DLX6: variants seen among roughly 807,000 people sequenced by gnomAD.
DLX6 encodes homeobox protein DLX-6.
Under a neutral mutation model 33.5 loss-of-function variants are expected in DLX6, and 4 were observed. That is an observed-to-expected ratio of 0.12 (90% CI 0.06 to 0.27). The LOEUF is 0.27. DLX6 is among the 10% of genes least tolerant of loss of function. DLX6 has a pLI of 1.00. For synonymous variants in DLX6, 184 were observed against 164.8 expected (o/e 1.12, Z -0.89); for missense variants, 382 against 393.3 (o/e 0.97, Z 0.24).
chr7:97,007,795 C>T lies in DLX6; in HGVS notation c.594C>T (p.Ala198=), dbSNP rs1409824571. 8.7e-6 allele frequency: 14 copies of T among 1,609,932 alleles called. No individual in the cohort carries two copies. Among genetic ancestry groups the T allele is most frequent in the Non-Finnish European group, 1.1e-5 (13 of 1,178,282 alleles). The stretch of plus-strand genomic sequence containing the variant: ...AGTATCTGGCCCTTCCAGAGAGAGC[C>T]GAACTGGCAGCTTCCTTAGGACTGA... ...QTQYLALPER[A]ELAASLGLTQ... Residue 198 remains alanine (A), a synonymous_variant, in exon 2 of 3, where the codon GCC becomes GCT. Coordinates refer to ENST00000518156, the MANE Select transcript of DLX6 (RefSeq NM_005222.4).
At position 97,007,849 on chromosome 7, in the gene DLX6, C is replaced by A; in HGVS notation, c.630+18C>A. 1 of 1,562,838 alleles carries A rather than the reference C, an allele frequency of 6.4e-7. No individual in the cohort carries two copies. Among genetic ancestry groups the A allele is most frequent in the East Asian group, 2.3e-5 (1 of 43,782 alleles). ...AAACACAGGTAATTCCCGAGAAGCC[C>A]AAGTATCCCTGAAATGCTGGTACCG... On this transcript the variant is annotated intron_variant, in intron 2 of 2. Transcript: ENST00000518156.
chr7:97,009,843 G>A lies in DLX6; in HGVS notation c.678G>A (p.Leu226=). The A allele has an allele frequency of 1.2e-6, 2 of 1,614,038 alleles. No individual in the cohort carries two copies. The highest frequency in any genetic ancestry group is 1.7e-6 in the Non-Finnish European group (2 of 1,179,900). ...AACGCTCTAAGTTTAAGAAACTGCT[G>A]AAGCAGGGCAGTAATCCTCATGAGA... ...QNKRSKFKKL[L]KQGSNPHESD... is the part of the protein sequence containing the mutation. The change falls in exon 3 of 3, where the codon CTG becomes CTA. Residue 226 remains leucine (L), a synonymous_variant. Coordinates refer to ENST00000518156, the MANE Select transcript of DLX6 (RefSeq NM_005222.4).
In DLX6 at chr7:97,006,061, G is replaced by GCAGCAGCAA. The variant is rs1789710213; in HGVS notation, c.92_93insACAGCAGCA (p.Gln42_Gln44dup). The stretch of plus-strand genomic sequence containing the variant: ...CCTTCATGGAGTTCGGGCAGCAGCA[G>GCAGCAGCAA]CAGCAGCAGCAGCAACAGCAGCAGC... On this transcript the variant is annotated inframe_insertion, in exon 1 of 3. Transcript: ENST00000518156. The GCAGCAGCAA allele has an allele frequency of 6.3e-7, 1 of 1,577,656 alleles. No individual in the cohort carries two copies. The highest frequency in any genetic ancestry group is 1.4e-5 in the African/African-American group (1 of 73,862).
chr7:97,009,500 A>G (rs997946972), intron 2 of DLX6, among the ~76,000 whole-genome samples: 1 of 152,194 alleles, frequency 6.6e-6, no homozygotes. Flanking sequence ...GGACCTGGTC[A>G]TCTCATTCAG....
rs916180044 is a variant in DLX6, at chr7:97,007,404, G to C, written c.437-234G>C. The C allele has an allele frequency of 1.5e-5, 9 of 601,674 alleles. No individual in the cohort carries two copies. The Admixed American group carries it at 2.3e-4, about 16-fold the overall frequency. The allele number at this position is 601,674 out of a possible 1,614,324, so 37.3% of individuals were successfully genotyped here. On this transcript the variant is annotated intron_variant, in intron 1 of 2. Transcript: ENST00000518156. ...GGCTGTTTGTCTGAGGGCCTCTGGC[G>C]CTCCCTTGGCCCAGACGCTGCACAT... is the stretch of plus-strand genomic sequence containing the variant.
In DLX6 at chr7:97,009,947, C is replaced by T; in HGVS notation, c.782C>T (p.Ala261Val). ...CCAGTCTGGGACGTTTCTGCCTCGG[C>T]CAAGGGTGTCAGTATGCCCCCCAAC... The part of the protein sequence containing the change: ...LPPVWDVSAS[A>V]KGVSMPPNSY... Residue 261 changes from alanine (A) to valine (V), a missense_variant, in exon 3 of 3, where the codon GCC (alanine) becomes GTC (valine). By Grantham distance (64) the Ala-to-Val change is moderately conservative (BLOSUM62 0). Transcript: ENST00000518156. 1 of 1,613,856 alleles carries T rather than the reference C, an allele frequency of 6.2e-7. No homozygotes were observed. The highest frequency in any genetic ancestry group is 8.5e-7 in the Non-Finnish European group (1 of 1,179,818).
chr7:97,007,466 G>A (rs1190628708), intron 1 of DLX6, 172 bp from the exon 2 acceptor site: 4 of 686,852 alleles, frequency 5.8e-6, no homozygotes, highest in African/African-American at 1.8e-5. Flanking sequence ...AGATTACGCA[G>A]ACGCTGGGAG....
At chr7:97,009,774 A>G in intron 2 of DLX6, 22 bp from the exon 3 acceptor site, 1 of 1,610,252 alleles carries the variant, frequency 6.2e-7, no homozygotes, top group Non-Finnish European at 8.5e-7. Flanking sequence ...TATGGGCCTA[A>G]TGATTGCTGC....
rs1789827119 is a variant in DLX6, at chr7:97,010,698, G to A, written c.*651G>A. ...TTCTCTAAAGAAAAAGGAAAAAGTG[G>A]CTGTAAGATTAGAACATTGCTACAA... On this transcript the variant is annotated 3_prime_UTR_variant, in exon 3 of 3. Transcript: ENST00000518156. 1 of 152,508 alleles carries A rather than the reference G, an allele frequency of 6.6e-6. No individual in the cohort carries two copies. Among genetic ancestry groups the A allele is most frequent in the South Asian group, 2.1e-4 (1 of 4,822 alleles). The allele number at this position is 152,508 out of a possible 1,614,324, so 9.4% of individuals were successfully genotyped here.
intron 1 of DLX6, 126 bp from the exon 2 acceptor site, chr7:97,007,512 T>C: frequency 1.2e-6 from 1 of 848,884 alleles, no homozygotes; most frequent in South Asian, 1.4e-5. Context: ...GGTCGGGGCA[T>C]CATAGGGATT....
chr7:97,008,588 T>G (rs570205756), intron 2 of DLX6, among the ~76,000 whole-genome samples: 1 of 152,332 alleles, frequency 6.6e-6, no homozygotes, highest in South Asian at 2.1e-4. Context: ...CATTTCAGAT[T>G]TCACAAGAAG....
chr7:97,007,303 C>T lies in DLX6; in HGVS notation c.437-335C>T, dbSNP rs1789758003. 25 of 583,262 alleles carry T rather than the reference C, an allele frequency of 4.3e-5. No individual in the cohort carries two copies. In the South Asian group the frequency reaches 5.2e-4, roughly 12 times the overall value. 36.1% of individuals were successfully genotyped at this position (583,262 alleles called of 1,614,324 possible). On this transcript the variant is annotated intron_variant, in intron 1 of 2. Transcript: ENST00000518156. ...TTAAGCCGGGCACAGGGGCCCCGCT[C>T]CGCCCGGACAGCTGCCGCCTTGCTG...
rs747232821 is a variant in DLX6 at position 97,006,076 on chromosome 7, A to ACAGCAGCAG, written c.114_122dup (p.Gln42_Gln44dup). 46 of 1,484,144 alleles carry ACAGCAGCAG rather than the reference A, an allele frequency of 3.1e-5. No individual in the cohort carries two copies. The highest frequency in any genetic ancestry group is 2.0e-4 in the East Asian group (8 of 40,326). 91.9% of individuals were successfully genotyped at this position (1,484,144 alleles called of 1,614,324 possible). On this transcript the variant is annotated inframe_insertion, in exon 1 of 3. Transcript: ENST00000518156. ...GGCAGCAGCAGCAGCAGCAGCAGCAACAGCAGCAGCAGCAGCAGCAGCAAC... is the reference window on the plus strand; with the variant it reads ...GGCAGCAGCAGCAGCAGCAGCAGCAACAGCAGCAGCAGCAGCAGCAGCAGCAGCAGCAAC...
At position 97,005,864 on chromosome 7, in the gene DLX6, T is replaced by C. The variant is rs1444472335; in HGVS notation, c.-114T>C. On this transcript the variant is annotated 5_prime_UTR_variant, in exon 1 of 3. Transcript: ENST00000518156. Reference sequence around the variant, plus strand: ...AATTCTTTTTTTTTTTTTTTTTTTTTTTTGCAAGGATCCAAAGAGCTAAGG... The same window carrying C: ...AATTCTTTTTTTTTTTTTTTTTTTTCTTTGCAAGGATCCAAAGAGCTAAGG... 1.4e-5 allele frequency: 6 copies of C among 438,660 alleles called. No homozygotes were observed. The highest frequency in any genetic ancestry group is 1.7e-5 in the Non-Finnish European group (5 of 289,764). 27.2% of individuals were successfully genotyped at this position (438,660 alleles called of 1,614,324 possible).
chr7:97,009,715 AT>A, intron 2 of DLX6, 80 bp from the exon 3 acceptor site: 1 of 1,537,840 alleles, frequency 6.5e-7, no homozygotes, highest in Non-Finnish European at 8.7e-7. Context: ...TGCTTTTTTA[AT>A]ATTGCTTCTA....
rs1789830341 is a variant in DLX6, at chr7:97,010,802, C to CT, written c.*758dup. ...AAAAAAAAACAAAACAAAAACCACTCTTTCCCCACCCCACCCCCCCAAACC... is the reference window on the plus strand; with the variant it reads ...AAAAAAAAACAAAACAAAAACCACTCTTTTCCCCACCCCACCCCCCCAAACC... On this transcript the variant is annotated 3_prime_UTR_variant, in exon 3 of 3. Transcript: ENST00000518156. The CT allele has an allele frequency of 1.3e-5, 2 of 151,706 alleles. No homozygotes were observed. The highest frequency in any genetic ancestry group is 4.9e-5 in the African/African-American group (2 of 40,938). The allele number at this position is 151,706 out of a possible 1,614,324, so 9.4% of individuals were successfully genotyped here. A position where few individuals can be genotyped will look rare whatever the true frequency, so the allele number is the denominator to read the frequency against.
intron 1 of DLX6, chr7:97,007,355 C>CA (rs1789759009): frequency 1.7e-6 from 1 of 599,058 alleles, no homozygotes; most frequent in East Asian, 2.8e-5. Flanking sequence ...GAGCCTCCGG[C>CA]ACCGCCTCCG....
In DLX6 at chr7:97,006,012, A is replaced by C. The variant is rs1322945779; in HGVS notation, c.35A>C (p.Glu12Ala). ...MTMTTMADGL[E>A]GQDSSKSAFM... is the part of the protein sequence containing the mutation. ...ATGACTACGATGGCTGACGGCTTGG[A>C]AGGCCAGGACTCGTCCAAATCCGCC... The change falls in exon 1 of 3, where the codon GAA becomes GCA. Residue 12 changes from glutamate to alanine, a missense_variant. By Grantham distance (107) the Glu-to-Ala change is moderately radical. Around this residue, in one of 4 missense-constraint regions of DLX6, gnomAD observed 257 missense variants for 206.9 expected, o/e 1.24. Transcript: ENST00000518156. 6.3e-7 allele frequency: 1 copy of C among 1,598,274 alleles called. No homozygotes were observed. The highest frequency in any genetic ancestry group is 1.3e-5 in the African/African-American group (1 of 74,344).
intron 1 of DLX6, 60 bp from the exon 2 acceptor site, chr7:97,007,578 G>A: frequency 6.7e-7 from 1 of 1,483,834 alleles, no homozygotes. Context: ...CACGCCAGGA[G>A]CAGGGAGATG....
Sources: allele counts gnomAD v4.1 joint callset (sites outside exome capture counted in the v4.1 genomes callset), GRCh38; gene constraint gnomAD v4.1.1; regional missense constraint gnomAD v4.1.1; transcripts MANE v1.5; gene names NCBI Gene and HGNC (gene_info 2026-07-23, HGNC 2026-07-21).